Variants in MIER1 observed in about 807,000 individuals in gnomAD.
MIER1 encodes MIER1 transcriptional regulator.
In MIER1, 40 loss-of-function variants were observed where a neutral mutation model predicts 75.7. The ratio of observed to expected loss-of-function variants is 0.53; its 90% CI spans 0.41 to 0.69. MIER1 has a LOEUF of 0.69. Ranked by LOEUF, MIER1 falls within the 30% of genes least tolerant of loss-of-function variation. The probability of loss-of-function intolerance (pLI) is 0.00; values close to 1 mark genes in which losing one functional copy is unlikely to be tolerated. For missense variants in MIER1, 574 were observed against 680.2 expected, an observed-to-expected ratio of 0.84 and a Z score of 1.74; for synonymous variants, 213 against 223.4, an observed-to-expected ratio of 0.95 and a Z score of 0.42.
At chr1:66,932,105 G>T (rs1342313976) in intron 2 of MIER1, among the ~76,000 whole-genome samples, 6 of 152,054 alleles carry the variant, frequency 3.9e-5, no homozygotes, top group Non-Finnish European at 7.4e-5. Context: ...AATCTAATAT[G>T]TAAAAGAAAT....
At chr1:66,925,196 C>A (rs755274628) in intron 1 of MIER1, 101 bp downstream of exon 1, 106 of 1,454,294 alleles carry the variant, frequency 7.3e-5, no homozygotes, top group Non-Finnish European at 8.8e-5. Flanking sequence ...TCCCCTCCCC[C>A]ACGGCAGTGT....
intron 12 of MIER1, among the ~76,000 whole-genome samples, chr1:66,980,371 C>T (rs72927907): frequency 0.023 from 3,526 of 152,274 alleles, 135 homozygotes; most frequent in African/African-American, 0.082. Flanking sequence ...ATGTAAATTG[C>T]ATAGGTCATG....
intron 4 of MIER1, among the ~76,000 whole-genome samples, chr1:66,950,838 AT>A (rs1658765778): frequency 6.6e-6 from 1 of 151,914 alleles, no homozygotes; most frequent in Non-Finnish European, 1.5e-5. Context: ...CTTAGGAACC[AT>A]CTCTCTAGTT....
At position 66,986,800 on chromosome 1, in the gene MIER1, T is replaced by C. The variant is rs1446113978; in HGVS notation, c.*1900T>C. ...ACTTTTAATTTATCCAGAATGGCAG[T>C]AGCTTTAGCAAGCAGATGGTCACAA... On this transcript the variant is annotated 3_prime_UTR_variant, in exon 14 of 14. Coordinates refer to ENST00000401041, the MANE Select transcript of MIER1 (RefSeq NM_001077700.3). 1 of 200,724 alleles carries C rather than the reference T, an allele frequency of 5.0e-6. No homozygotes were observed. Among genetic ancestry groups the C allele is most frequent in the Non-Finnish European group, 1.0e-5 (1 of 100,226 alleles). The allele number at this position is 200,724 out of a possible 1,614,324, so 12.4% of individuals were successfully genotyped here.
At chr1:66,968,003 T>C (rs910716464) in intron 8 of MIER1, among the ~76,000 whole-genome samples, 6 of 152,210 alleles carry the variant, frequency 3.9e-5, no homozygotes, top group African/African-American at 1.4e-4. Context: ...TCTTGTCTAA[T>C]TGTTCTGATT....
At chr1:66,959,805 G>A (rs1016356235) in intron 7 of MIER1, 62 bp downstream of exon 7, 1 of 737,332 alleles carries the variant, frequency 1.4e-6, no homozygotes. Context: ...AAAGCCTCGT[G>A]TAATTATTTT....
rs1193266006 is a variant in MIER1, at chr1:66,982,085, C to T, written c.1369+167C>T. On this transcript the variant is annotated intron_variant, in intron 13 of 13. Transcript: ENST00000401041. ...AGCATACATATATACTAACAGAATACAAAGTGATTGGACATCACTAAAAAG... is the reference window on the plus strand; with the variant it reads ...AGCATACATATATACTAACAGAATATAAAGTGATTGGACATCACTAAAAAG... Among the ~76,000 whole-genome samples the T allele has an allele frequency of 2.0e-5, 3 of 152,148 alleles. No homozygotes were observed. In the East Asian group the frequency reaches 5.8e-4, roughly 29 times the overall value.
At chr1:66,951,255 C>T (rs1658871094) in intron 4 of MIER1, among the ~76,000 whole-genome samples, 1 of 152,134 alleles carries the variant, frequency 6.6e-6, no homozygotes, top group Non-Finnish European at 1.5e-5. Context: ...TCACCTCCCA[C>T]GTAGCTGGGA....
At chr1:66,962,674 A>G (rs2101756299) in intron 7 of MIER1, among the ~76,000 whole-genome samples, 1 of 152,250 alleles carries the variant, frequency 6.6e-6, no homozygotes, top group East Asian at 1.9e-4. Flanking sequence ...CCTGTCTCAA[A>G]AAAACAAAAA....
At chr1:66,930,257 T>C in intron 2 of MIER1, 1 of 1,510,354 alleles carries the variant, frequency 6.6e-7, no homozygotes, top group Non-Finnish European at 8.8e-7. Flanking sequence ...CTCCTGCGCG[T>C]TCCCGCCGAG....
At chr1:66,932,036 CTTAAAT>C (rs999576825) in intron 2 of MIER1, among the ~76,000 whole-genome samples, 3 of 152,108 alleles carry the variant, frequency 2.0e-5, no homozygotes, top group Admixed American at 6.5e-5. Flanking sequence ...AGTTAAAAAA[CTTAAAT>C]TTAAAATTTC....
rs546081726 is a variant in MIER1, at chr1:66,984,554, A to G, written c.1370-18A>G. On this transcript the variant is annotated intron_variant, in intron 13 of 13. Coordinates refer to ENST00000401041, the MANE Select transcript of MIER1 (RefSeq NM_001077700.3). ...CTTTTTTCTAATTGTGGTTTCATTTATATTTCTTTCAACTTAGGAGTGTCA... is the reference window on the plus strand; with the variant it reads ...CTTTTTTCTAATTGTGGTTTCATTTGTATTTCTTTCAACTTAGGAGTGTCA... 30 of 1,530,560 alleles carry G rather than the reference A, an allele frequency of 2.0e-5. No homozygotes were observed. In the East Asian group the frequency reaches 2.0e-4, roughly 10 times the overall value. 94.8% of individuals were successfully genotyped at this position (1,530,560 alleles called of 1,614,324 possible). A position where few individuals can be genotyped will look rare whatever the true frequency, so the allele number is the denominator to read the frequency against.
chr1:66,946,664 G>A (rs1287389337), intron 4 of MIER1: 2 of 992,846 alleles, frequency 2.0e-6, no homozygotes, highest in African/African-American at 3.5e-5. Context: ...AATTCTTGAA[G>A]TATCATTTTC....
At chr1:66,939,173 A>G (rs1414651799) in intron 2 of MIER1, among the ~76,000 whole-genome samples, 4 of 152,246 alleles carry the variant, frequency 2.6e-5, no homozygotes, top group Admixed American at 6.5e-5. Flanking sequence ...ATGTTATTTG[A>G]AGCATCTTTT....
intron 8 of MIER1, among the ~76,000 whole-genome samples, chr1:66,970,205 C>A (rs568329312): frequency 6.6e-6 from 1 of 152,046 alleles, no homozygotes; most frequent in Admixed American, 6.5e-5. Flanking sequence ...AACTTAAATA[C>A]CTTTAAAAAA....
chr1:66,930,526 C>A, intron 2 of MIER1: 1 of 989,310 alleles, frequency 1.0e-6, no homozygotes, highest in Non-Finnish European at 1.5e-6. Context: ...ACCTGTTGTC[C>A]GGAACAGGCC....
intron 4 of MIER1, among the ~76,000 whole-genome samples, chr1:66,957,526 G>A (rs1452322241): frequency 6.6e-6 from 1 of 150,922 alleles, no homozygotes; most frequent in Non-Finnish European, 1.5e-5. Context: ...TAACCATAGA[G>A]AAGAATATAT....
intron 12 of MIER1, among the ~76,000 whole-genome samples, chr1:66,977,887 C>A (rs1294500005): frequency 1.3e-5 from 2 of 151,964 alleles, no homozygotes; most frequent in African/African-American, 4.8e-5. Flanking sequence ...TTAAAGCTGA[C>A]CAAATAATTA....
intron 2 of MIER1, chr1:66,930,503 G>T (rs898190616): frequency 3.8e-4 from 467 of 1,241,750 alleles, no homozygotes; most frequent in Middle Eastern, 2.2e-3. Flanking sequence ...CGGCCCTGCT[G>T]GCGCCGCTGC....
Sources: gnomAD v4.1 joint callset for allele counts (sites outside exome capture counted in the v4.1 genomes callset) on GRCh38, gnomAD v4.1.1 for gene constraint, MANE v1.5 for transcripts, NCBI Gene and HGNC (gene_info 2026-07-23, HGNC 2026-07-21) for gene names.